PDE4D: variants seen among roughly 807,000 people sequenced by gnomAD.
PDE4D encodes the protein 3',5'-cyclic-AMP phosphodiesterase 4D.
PDE4D carries 24 observed loss-of-function variants against 87.4 expected under a neutral mutation model. That is an observed-to-expected ratio of 0.27 (90% confidence interval 0.20 to 0.39). The LOEUF (loss-of-function observed/expected upper bound fraction) is 0.39. Ranked by LOEUF, PDE4D falls within the 10% of genes least tolerant of loss-of-function variation. PDE4D has a pLI of 1.00. For synonymous variants in PDE4D, 384 were observed against 383.2 expected, an observed-to-expected ratio of 1.00 and a Z score of -0.02; for missense variants, 714 against 1,041.0, an observed-to-expected ratio of 0.69 and a Z score of 4.32.
At chr5:59,269,759 CTA>C (rs989048016) in intron 1 of PDE4D, among the ~76,000 whole-genome samples, 6 of 151,828 alleles carry the variant, frequency 4.0e-5, no homozygotes, top group Admixed American at 2.0e-4. Context: ...TCACACATAT[CTA>C]TGTTTTTAAA....
At chr5:59,356,454 CT>C (rs1488108112) in intron 1 of PDE4D, among the ~76,000 whole-genome samples, 1 of 152,102 alleles carries the variant, frequency 6.6e-6, no homozygotes, top group Non-Finnish European at 1.5e-5. Context: ...TTAGAGTTGA[CT>C]GTATTAAGCC....
At chr5:59,895,272 A>C (rs16890345), upstream of PDE4D, among the ~76,000 whole-genome samples, 3,437 of 152,344 alleles carry the variant, frequency 0.023, 136 homozygotes, top group African/African-American at 0.079. Context: ...AGAACAGTCC[A>C]CGAAATGTGC....
intron 1 of PDE4D, among the ~76,000 whole-genome samples, chr5:60,204,917 G>C (rs1338815980): frequency 6.6e-6 from 1 of 152,202 alleles, no homozygotes; most frequent in African/African-American, 2.4e-5. Flanking sequence ...AGGATTGATA[G>C]AGTTAAAATG....
chr5:59,158,605 A>G (rs1330988289), intron 5 of PDE4D, among the ~76,000 whole-genome samples: 1 of 152,270 alleles, frequency 6.6e-6, no homozygotes, highest in East Asian at 1.9e-4. Context: ...TCTTAGGGAA[A>G]TATGACTAAA....
chr5:59,881,766 T>C (rs1462025986), intron 1 of PDE4D, among the ~76,000 whole-genome samples: 1 of 152,164 alleles, frequency 6.6e-6, no homozygotes, highest in Non-Finnish European at 1.5e-5. Flanking sequence ...GAAATTGGCC[T>C]TATCAATAAT....
chr5:60,413,485 G>A (rs972798289), intron 1 of PDE4D, among the ~76,000 whole-genome samples: 5 of 152,122 alleles, frequency 3.3e-5, no homozygotes, highest in Non-Finnish European at 7.4e-5. Context: ...AGGAAGAAAC[G>A]AAAGGAGAAA....
chr5:59,322,612 T>C (rs1305304218), intron 1 of PDE4D, among the ~76,000 whole-genome samples: 3 of 152,274 alleles, frequency 2.0e-5, no homozygotes, highest in East Asian at 3.9e-4. Flanking sequence ...GTTTTAGGCA[T>C]TGCAGCATAT....
intron 5 of PDE4D, among the ~76,000 whole-genome samples, chr5:59,150,230 C>A (rs567639417): frequency 1.3e-5 from 2 of 152,244 alleles, no homozygotes; most frequent in South Asian, 4.2e-4. Flanking sequence ...CTTTCAAGCT[C>A]TGCAGTAGTA....
chr5:59,324,053 CCTCT>C (rs1020339422), intron 1 of PDE4D, among the ~76,000 whole-genome samples: 1 of 152,066 alleles, frequency 6.6e-6, no homozygotes, highest in Middle Eastern at 3.4e-3. Flanking sequence ...TACCTGATAC[CCTCT>C]CTCTCCTTCC....
intron 1 of PDE4D, among the ~76,000 whole-genome samples, chr5:59,593,889 TTC>T (rs1583248947): frequency 6.6e-6 from 1 of 152,128 alleles, no homozygotes; most frequent in East Asian, 1.9e-4. Context: ...TGGAGAAAAA[TTC>T]TCTCATGCTT....
intron 1 of PDE4D, among the ~76,000 whole-genome samples, chr5:59,296,772 AACACAC>A (rs10560642): frequency 0.07 from 10,505 of 149,924 alleles, 464 homozygotes; most frequent in South Asian, 0.14. Flanking sequence ...AGAAATTAGT[AACACAC>A]ACACACACAC....
chr5:59,048,997 C>T (rs895698832), intron 5 of PDE4D, among the ~76,000 whole-genome samples: 4 of 152,174 alleles, frequency 2.6e-5, no homozygotes, highest in Non-Finnish European at 5.9e-5. Flanking sequence ...GAACCTGCTG[C>T]ACAACTCTCT....
chr5:59,360,015 T>C lies in PDE4D; in HGVS notation c.456-144047A>G, dbSNP rs556264347. Among the ~76,000 whole-genome samples the C allele has an allele frequency of 3.9e-5, 6 of 152,278 alleles. No homozygotes were observed. The South Asian group carries it at 8.3e-4, about 21-fold the overall frequency. ...CTCTTATGTTCTGCAGAGCTCTAAA[T>C]AAGGCATCGTTTTTGCCTCTTGAAT... On this transcript the variant is annotated intron_variant, in intron 1 of 14. Coordinates refer to ENST00000340635, the MANE Select transcript of PDE4D (RefSeq NM_001104631.2).
chr5:59,535,079 G>T (rs113130243), intron 1 of PDE4D, among the ~76,000 whole-genome samples: 2,626 of 83,230 alleles, frequency 0.032, 86 homozygotes, highest in African/African-American at 0.075. Flanking sequence ...GTGTGTGTGG[G>T]GGGGGGGTCC....
At position 59,427,331 on chromosome 5, in the gene PDE4D, ACACACACG is replaced by A. The variant is rs201691829; in HGVS notation, c.456-211371_456-211364del. Among the ~76,000 whole-genome samples, 366 of 150,426 alleles carry A rather than the reference ACACACACG, an allele frequency of 2.4e-3. 3 individuals are homozygous for A. The highest frequency in any genetic ancestry group is 8.6e-3 in the African/African-American group (347 of 40,498). On this transcript the variant is annotated intron_variant, in intron 1 of 14. Coordinates refer to ENST00000340635, the MANE Select transcript of PDE4D (RefSeq NM_001104631.2). ...CACACACACACACACACACACACAC[ACACACACG>A]CCCCTATGCCAAAATATGTACCATG...
At chr5:60,086,920 A>AG (rs1230902493) in intron 2 of PDE4D, among the ~76,000 whole-genome samples, 1 of 152,146 alleles carries the variant, frequency 6.6e-6, no homozygotes, top group African/African-American at 2.4e-5. Flanking sequence ...TAGTGCTGCA[A>AG]GGGGGGGCAC....
intron 3 of PDE4D, among the ~76,000 whole-genome samples, chr5:59,971,363 A>AAATAAATAAAT (rs1760739092): frequency 4.8e-5 from 7 of 145,978 alleles, no homozygotes; most frequent in South Asian, 2.2e-4. Context: ...ATAATAATAA[A>AAATAAATAAAT]AAATAAATAA....
intron 3 of PDE4D, among the ~76,000 whole-genome samples, chr5:59,935,942 C>T (rs1756520088): frequency 6.6e-6 from 1 of 152,210 alleles, no homozygotes; most frequent in Admixed American, 6.5e-5. Context: ...TTTATAGCAG[C>T]ATGTTTTATA....
At chr5:59,372,263 A>G (rs1413076601) in intron 1 of PDE4D, among the ~76,000 whole-genome samples, 1 of 152,218 alleles carries the variant, frequency 6.6e-6, no homozygotes, top group Admixed American at 6.5e-5. Context: ...ATATACATAA[A>G]CCAGCAATGA....
Sources: gnomAD v4.1 joint callset for allele counts (sites outside exome capture counted in the v4.1 genomes callset) on GRCh38, gnomAD v4.1.1 for gene constraint, MANE v1.5 for transcripts, NCBI Gene and HGNC (gene_info 2026-07-23, HGNC 2026-07-21) for gene names.